RAP2A: variants seen among roughly 807,000 people sequenced by gnomAD.
RAP2A encodes the protein ras-related protein Rap-2a.
RAP2A carries 5 observed loss-of-function variants against 15.1 expected under a neutral mutation model. The ratio of observed to expected loss-of-function variants is 0.33; its 90% CI spans 0.17 to 0.70. The LOEUF is 0.70. Ranked by LOEUF, RAP2A falls within the 30% of genes least tolerant of loss-of-function variation. The pLI, the probability that RAP2A is intolerant of heterozygous loss-of-function variation, is 0.68. For synonymous variants in RAP2A, 110 were observed against 99.7 expected, an observed-to-expected ratio of 1.10 and a Z score of -0.62; for missense variants, 111 against 240.3, an observed-to-expected ratio of 0.46 and a Z score of 3.56.
intron 1 of RAP2A, among the ~76,000 whole-genome samples, chr13:97,448,472 C>G (rs1566473096): frequency 6.6e-6 from 1 of 152,150 alleles, no homozygotes; most frequent in Non-Finnish European, 1.5e-5. Flanking sequence ...TAACACCACA[C>G]TAAGCTGTTA....
At position 97,464,706 on chromosome 13, in the gene RAP2A, AT is replaced by A. The variant is rs1379255712; in HGVS notation, c.*267del. 1 of 446,530 alleles carries A rather than the reference AT, an allele frequency of 2.2e-6. No homozygotes were observed. The highest frequency in any genetic ancestry group is 4.0e-6 in the Non-Finnish European group (1 of 250,252). 27.7% of individuals were successfully genotyped at this position (446,530 alleles called of 1,614,324 possible). A position where few individuals can be genotyped will look rare whatever the true frequency, so the allele number is the denominator to read the frequency against. ...GTCCATCGATCTACAGGGTGATCTC[AT>A]TTGAAAGCTATGATGGCATTGTCGC... is the stretch of plus-strand genomic sequence containing the variant. On this transcript the variant is annotated 3_prime_UTR_variant, in exon 2 of 2. Transcript: ENST00000245304.
At chr13:97,436,980 T>G (rs1372764129) in intron 1 of RAP2A, among the ~76,000 whole-genome samples, 1 of 152,220 alleles carries the variant, frequency 6.6e-6, no homozygotes, top group Non-Finnish European at 1.5e-5. Context: ...GCAGGTGGCC[T>G]CTTCTTTACC....
At chr13:97,452,499 C>T (rs2153179852) in intron 1 of RAP2A, among the ~76,000 whole-genome samples, 1 of 151,398 alleles carries the variant, frequency 6.6e-6, no homozygotes, top group Admixed American at 6.6e-5. Context: ...GCCTAAACCA[C>T]AATCTTAATT....
At chr13:97,438,092 A>C (rs139289811) in intron 1 of RAP2A, among the ~76,000 whole-genome samples, 3 of 152,350 alleles carry the variant, frequency 2.0e-5, no homozygotes, top group African/African-American at 7.2e-5. Flanking sequence ...CACAAAGAAG[A>C]GTAACAGGGA....
chr13:97,443,307 G>A (rs977948066), intron 1 of RAP2A, among the ~76,000 whole-genome samples: 4 of 152,206 alleles, frequency 2.6e-5, no homozygotes, highest in South Asian at 2.1e-4. Flanking sequence ...TAATTCAAAT[G>A]TGGAAATACT....
chr13:97,462,194 A>G lies in RAP2A; in HGVS notation c.315-2011A>G, dbSNP rs925243876. Among the ~76,000 whole-genome samples the G allele has an allele frequency of 9.9e-5, 15 of 151,470 alleles. 1 individual carries two copies. The highest frequency in any genetic ancestry group is 8.6e-4 in the Admixed American group (13 of 15,182). On this transcript the variant is annotated intron_variant, in intron 1 of 1. Coordinates refer to ENST00000245304, the MANE Select transcript of RAP2A (RefSeq NM_021033.7). ...TGAAATTTGTTTTAACTTAAATTCA[A>G]CCAATGTTTTACTTAATTTTATTAA...
At position 97,434,304 on chromosome 13, in the gene RAP2A, CAGTTGCCGCCGCCGCCGCCGGCGCCCA is replaced by C. The variant is rs2066622628; in HGVS notation, c.-166_-140del. The C allele has an allele frequency of 1.1e-5, 3 of 270,568 alleles. No individual in the cohort carries two copies. Among genetic ancestry groups the C allele is most frequent in the South Asian group, 2.8e-4 (2 of 7,182 alleles). The allele number at this position is 270,568 out of a possible 1,614,324, so 16.8% of individuals were successfully genotyped here. A position where few individuals can be genotyped will look rare whatever the true frequency, so the allele number is the denominator to read the frequency against. ...CCCATGCCCAGGGCCGCTGCTCCCT[CAGTTGCCGCCGCCGCCGCCGGCGCCCA>C]GGGGGCCGCCGCGGCTGTGAGGTGG... On this transcript the variant is annotated 5_prime_UTR_variant, in exon 1 of 2. Transcript: ENST00000245304.
intron 1 of RAP2A, among the ~76,000 whole-genome samples, chr13:97,455,528 T>A (rs1764893763): frequency 6.6e-6 from 1 of 151,510 alleles, no homozygotes; most frequent in South Asian, 2.1e-4. Flanking sequence ...TTTTTCCTTT[T>A]AGCCAATAAC....
chr13:97,434,783 C>A lies in RAP2A; in HGVS notation c.313C>A (p.Arg105=). The change falls in exon 1 of 2, where the codon CGG becomes AGG. Residue 105 remains arginine, a splice_region_variant and synonymous_variant. Coordinates refer to ENST00000245304, the MANE Select transcript of RAP2A (RefSeq NM_021033.7). The part of the protein sequence containing the change: ...PMRDQIIRVK[R]YEKVPVILVG... ...GCGGGACCAGATCATCCGCGTGAAG[C>A]GGTGAGCGAGGGCACACGGGGGCTT... 1 of 1,613,832 alleles carries A rather than the reference C, an allele frequency of 6.2e-7. No individual in the cohort carries two copies. Among genetic ancestry groups the A allele is most frequent in the South Asian group, 1.1e-5 (1 of 91,080 alleles).
rs1222297645 is a variant in RAP2A, at chr13:97,468,761, TAATA to T, written c.*4323_*4326del. On this transcript the variant is annotated 3_prime_UTR_variant, in exon 2 of 2. Transcript: ENST00000245304. ...TTATTTGAAGTGTTTGTAAATTTTT[TAATA>T]AATTATTTAAATGTATCAATAGTGG... 6.6e-6 allele frequency: 1 copy of T among 152,254 alleles called. No individual in the cohort carries two copies. The highest frequency in any genetic ancestry group is 6.5e-5 in the Admixed American group (1 of 15,282). The allele number at this position is 152,254 out of a possible 1,614,324, so 9.4% of individuals were successfully genotyped here. A position where few individuals can be genotyped will look rare whatever the true frequency, so the allele number is the denominator to read the frequency against.
At position 97,464,694 on chromosome 13, in the gene RAP2A, C is replaced by T; in HGVS notation, c.*252C>T. 2.0e-6 allele frequency: 1 copy of T among 495,768 alleles called. No individual in the cohort carries two copies. Among genetic ancestry groups the T allele is most frequent in the Non-Finnish European group, 3.6e-6 (1 of 278,102 alleles). 30.7% of individuals were successfully genotyped at this position (495,768 alleles called of 1,614,324 possible). A position where few individuals can be genotyped will look rare whatever the true frequency, so the allele number is the denominator to read the frequency against. ...CTTTAAGGCATAGTCCATCGATCTA[C>T]AGGGTGATCTCATTTGAAAGCTATG... On this transcript the variant is annotated 3_prime_UTR_variant, in exon 2 of 2. Coordinates refer to ENST00000245304, the MANE Select transcript of RAP2A (RefSeq NM_021033.7).
At chr13:97,456,073 T>C (rs1212947758) in intron 1 of RAP2A, among the ~76,000 whole-genome samples, 1 of 151,686 alleles carries the variant, frequency 6.6e-6, no homozygotes, top group Non-Finnish European at 1.5e-5. Flanking sequence ...ACTGGCACTG[T>C]CTACTGCCCC....
At chr13:97,457,748 AT>A (rs1296068160) in intron 1 of RAP2A, among the ~76,000 whole-genome samples, 1 of 152,188 alleles carries the variant, frequency 6.6e-6, no homozygotes, top group East Asian at 1.9e-4. Context: ...AAGGATAGAT[AT>A]CAAAATAGTT....
In RAP2A at chr13:97,468,977, A is replaced by G. The variant is rs2139046128; in HGVS notation, c.*4535A>G. On this transcript the variant is annotated 3_prime_UTR_variant, in exon 2 of 2. Coordinates refer to ENST00000245304, the MANE Select transcript of RAP2A (RefSeq NM_021033.7). ...GAGAATATTACCACAAACTTCTGAA[A>G]GAAGCTGTTGACCTCGTTTCTTAAT... is the stretch of plus-strand genomic sequence containing the variant. The G allele has an allele frequency of 6.6e-6, 1 of 152,364 alleles. No homozygotes were observed. The highest frequency in any genetic ancestry group is 1.5e-5 in the Non-Finnish European group (1 of 68,032). 9.4% of individuals were successfully genotyped at this position (152,364 alleles called of 1,614,324 possible). A position where few individuals can be genotyped will look rare whatever the true frequency, so the allele number is the denominator to read the frequency against.
intron 1 of RAP2A, among the ~76,000 whole-genome samples, chr13:97,454,328 T>A (rs887694515): frequency 6.6e-6 from 1 of 151,272 alleles, no homozygotes; most frequent in Non-Finnish European, 1.5e-5. Flanking sequence ...CTAATATGCT[T>A]CAATTAGGCC....
Position 97,464,188 on chromosome 13 carries a change from T to C in RAP2A, c.315-17T>C, listed in dbSNP as rs1159459539. 1.9e-6 allele frequency: 3 copies of C among 1,612,054 alleles called. No homozygotes were observed. Among genetic ancestry groups the C allele is most frequent in the Non-Finnish European group, 2.5e-6 (3 of 1,178,326 alleles). On this transcript the variant is annotated splice_polypyrimidine_tract_variant and intron_variant, in intron 1 of 1. Coordinates refer to ENST00000245304, the MANE Select transcript of RAP2A (RefSeq NM_021033.7). ...TAACTGTTACAATGTATGTGTGTTTTGTTTATTCTCTCATAGGTATGAGAA... is the reference window on the plus strand; with the variant it reads ...TAACTGTTACAATGTATGTGTGTTTCGTTTATTCTCTCATAGGTATGAGAA...
chr13:97,458,475 A>G (rs1408285042), intron 1 of RAP2A, among the ~76,000 whole-genome samples: 2 of 152,204 alleles, frequency 1.3e-5, no homozygotes, highest in African/African-American at 2.4e-5. Flanking sequence ...ACCATGAACT[A>G]TACACATAGA....
At position 97,452,876 on chromosome 13, in the gene RAP2A, T is replaced by G. The variant is rs995108199; in HGVS notation, c.315-11329T>G. ...TTTTACATCTTTAACTAGATTATTT[T>G]CAGTATTTGCTGTTCTTTGGTGCTA... On this transcript the variant is annotated intron_variant, in intron 1 of 1. Transcript: ENST00000245304. Among the ~76,000 whole-genome samples, 6 of 151,516 alleles carry G rather than the reference T, an allele frequency of 4.0e-5. 1 individual carries two copies. The highest frequency in any genetic ancestry group is 1.3e-4 in the Admixed American group (2 of 15,218).
intron 1 of RAP2A, among the ~76,000 whole-genome samples, chr13:97,452,272 A>G (rs962389354): frequency 6.6e-6 from 1 of 151,228 alleles, no homozygotes; most frequent in African/African-American, 2.4e-5. Context: ...TTTAGTTTCT[A>G]TGATCCATCT....
Sources: allele counts gnomAD v4.1 joint callset (sites outside exome capture counted in the v4.1 genomes callset), GRCh38; gene constraint gnomAD v4.1.1; transcripts MANE v1.5; gene names NCBI Gene and HGNC (gene_info 2026-07-23, HGNC 2026-07-21).